The following PLEKHF2 variants were observed in gnomAD, a reference collection of about 807,000 sequenced individuals.
The protein encoded by PLEKHF2 is pleckstrin homology domain-containing family F member 2.
Under a neutral mutation model 14.7 loss-of-function variants are expected in PLEKHF2, and 4 were observed. The observed-to-expected ratio is 0.27, with a 90% confidence interval of 0.13 to 0.62. The LOEUF (loss-of-function observed/expected upper bound fraction) is 0.62, where lower values mean the gene tolerates loss of function less well. Among genes scored for constraint, PLEKHF2 ranks in the 20% least tolerant of loss-of-function variants. The pLI, the probability that PLEKHF2 is intolerant of heterozygous loss-of-function variation, is 0.85. For missense variants in PLEKHF2, 201 were observed against 307.7 expected (o/e 0.65, Z 2.60); for synonymous variants, 90 against 103.5 (o/e 0.87, Z 0.79).
intron 1 of PLEKHF2, among the ~76,000 whole-genome samples, chr8:95,135,554 C>G (rs1293754965): frequency 6.6e-6 from 1 of 152,166 alleles, no homozygotes. Flanking sequence ...GAGCGCATCA[C>G]CACACCTGGC....
At chr8:95,142,422 T>C (rs572156874) in intron 1 of PLEKHF2, among the ~76,000 whole-genome samples, 11 of 152,208 alleles carry the variant, frequency 7.2e-5, no homozygotes, top group African/African-American at 2.4e-4. Flanking sequence ...ACCTGGCTAA[T>C]TTATGTAATT....
chr8:95,154,824 TG>T lies in PLEKHF2; in HGVS notation c.*32del. 3.1e-6 allele frequency: 5 copies of T among 1,597,484 alleles called. No homozygotes were observed. The highest frequency in any genetic ancestry group is 1.1e-5 in the South Asian group (1 of 90,138). ...ACATTTGGGAGTATTTAATCAGGTGTGGCTATCTGAGAAATCAACTTTGGGG... is the reference window on the plus strand; with the variant it reads ...ACATTTGGGAGTATTTAATCAGGTGTGCTATCTGAGAAATCAACTTTGGGG... On this transcript the variant is annotated 3_prime_UTR_variant, in exon 2 of 2. Coordinates refer to ENST00000315367, the MANE Select transcript of PLEKHF2 (RefSeq NM_024613.4). This position sits in a 1 kb window ranked among gnomAD's most constrained non-coding sequence, Gnocchi z 5.6.
At chr8:95,145,555 C>G (rs1006136996) in intron 1 of PLEKHF2, among the ~76,000 whole-genome samples, 33 of 151,932 alleles carry the variant, frequency 2.2e-4, no homozygotes, top group Non-Finnish European at 5.9e-5. Flanking sequence ...TCCCGAGTAG[C>G]TGGGACTACA....
At position 95,154,818 on chromosome 8, in the gene PLEKHF2, C is replaced by A. The variant is rs1449824169; in HGVS notation, c.*24C>A. 1.2e-6 allele frequency: 2 copies of A among 1,605,352 alleles called. No homozygotes were observed. The highest frequency in any genetic ancestry group is 1.7e-6 in the Non-Finnish European group (2 of 1,173,258). On this transcript the variant is annotated 3_prime_UTR_variant, in exon 2 of 2. Coordinates refer to ENST00000315367, the MANE Select transcript of PLEKHF2 (RefSeq NM_024613.4). The surrounding 1 kb of genome is among the most constrained non-coding windows in gnomAD (Gnocchi z 5.6). ...AAGGACACATTTGGGAGTATTTAAT[C>A]AGGTGTGGCTATCTGAGAAATCAAC... is the stretch of plus-strand genomic sequence containing the variant.
intron 1 of PLEKHF2, among the ~76,000 whole-genome samples, chr8:95,151,967 A>G (rs912127227): frequency 1.5e-4 from 23 of 152,064 alleles, no homozygotes; most frequent in Non-Finnish European, 1.9e-4. Context: ...AAAGATAAAC[A>G]TTTTTTACTA....
At chr8:95,144,216 C>T (rs377753504) in intron 1 of PLEKHF2, among the ~76,000 whole-genome samples, 1 of 152,122 alleles carries the variant, frequency 6.6e-6, no homozygotes, top group African/African-American at 2.4e-5. Context: ...TCCCTCTCTC[C>T]TACCTCTCTA....
chr8:95,146,645 A>G (rs1810503870), intron 1 of PLEKHF2, among the ~76,000 whole-genome samples: 1 of 152,092 alleles, frequency 6.6e-6, no homozygotes, highest in African/African-American at 2.4e-5. Flanking sequence ...TAGACAATGT[A>G]AATGCAGTTC....
intron 1 of PLEKHF2, among the ~76,000 whole-genome samples, chr8:95,152,736 C>T (rs905699267): frequency 2.6e-5 from 4 of 152,022 alleles, no homozygotes; most frequent in East Asian, 1.9e-4. Flanking sequence ...CCAAGATTTG[C>T]AGGGAGACAG....
chr8:95,142,166 A>G (rs1353086062), intron 1 of PLEKHF2, among the ~76,000 whole-genome samples: 1 of 152,226 alleles, frequency 6.6e-6, no homozygotes, highest in East Asian at 1.9e-4. Flanking sequence ...GATACTAAAG[A>G]AAATTGGTCA....
rs1587307836 is a variant in PLEKHF2 at position 95,146,701 on chromosome 8, T to A, written c.-14-7330T>A. On this transcript the variant is annotated intron_variant, in intron 1 of 1. Coordinates refer to ENST00000315367, the MANE Select transcript of PLEKHF2 (RefSeq NM_024613.4). ...ATGACTTGAAACCTTTCATTATTTT[T>A]AAAAATTGGTATATAAAAGCTGGCT... 3.3e-5 allele frequency among the ~76,000 whole-genome samples: 5 copies of A among 152,034 alleles called. No homozygotes were observed. In the East Asian group the frequency reaches 5.8e-4, roughly 18 times the overall value.
At chr8:95,140,804 T>G (rs757718418) in intron 1 of PLEKHF2, among the ~76,000 whole-genome samples, 12 of 152,298 alleles carry the variant, frequency 7.9e-5, no homozygotes, top group South Asian at 2.1e-4. Flanking sequence ...TTTTGTTTTG[T>G]TTTGGTTTGT....
chr8:95,142,403 C>T (rs1810449495), intron 1 of PLEKHF2, among the ~76,000 whole-genome samples: 1 of 152,048 alleles, frequency 6.6e-6, no homozygotes, highest in Non-Finnish European at 1.5e-5. Flanking sequence ...CACAAGTGCA[C>T]ACCGCCACAC....
At chr8:95,143,093 C>T (rs899558877) in intron 1 of PLEKHF2, among the ~76,000 whole-genome samples, 3 of 141,066 alleles carry the variant, frequency 2.1e-5, no homozygotes, top group Admixed American at 7.1e-5. Context: ...AGGAAATAAT[C>T]TTTTTTTTTT....
rs777195466 is a variant in PLEKHF2, at chr8:95,155,460, C to G, written c.*666C>G. 1.2e-5 allele frequency: 2 copies of G among 166,884 alleles called. No homozygotes were observed. Among genetic ancestry groups the G allele is most frequent in the South Asian group, 4.1e-4 (2 of 4,820 alleles). 10.3% of individuals were successfully genotyped at this position (166,884 alleles called of 1,614,324 possible). A position where few individuals can be genotyped will look rare whatever the true frequency, so the allele number is the denominator to read the frequency against. On this transcript the variant is annotated 3_prime_UTR_variant, in exon 2 of 2. Coordinates refer to ENST00000315367, the MANE Select transcript of PLEKHF2 (RefSeq NM_024613.4). ...AACTAAGTTTGGAGGTATTTTCACT[C>G]TATATGAATAAATATTTTTCCATAA...
At chr8:95,146,106 TG>T (rs1382278494) in intron 1 of PLEKHF2, among the ~76,000 whole-genome samples, 12 of 152,208 alleles carry the variant, frequency 7.9e-5, no homozygotes, top group African/African-American at 1.4e-4. Flanking sequence ...AAAATTAACT[TG>T]TAGACAAGTA....
At chr8:95,146,341 C>T (rs1810500181) in intron 1 of PLEKHF2, among the ~76,000 whole-genome samples, 1 of 152,090 alleles carries the variant, frequency 6.6e-6, no homozygotes, top group African/African-American at 2.4e-5. Flanking sequence ...TACTGAAGCT[C>T]ACTGGTAACA....
chr8:95,153,929 C>A, intron 1 of PLEKHF2, 102 bp from the exon 2 acceptor site: 1 of 910,120 alleles, frequency 1.1e-6, no homozygotes, highest in Non-Finnish European at 1.5e-6. Flanking sequence ...GAACATTTTG[C>A]CTTTGTGTAA....
chr8:95,154,344 G>A lies in PLEKHF2; in HGVS notation c.300G>A (p.Trp100Ter). The A allele has an allele frequency of 6.2e-7, 1 of 1,614,038 alleles. No individual in the cohort carries two copies. The highest frequency in any genetic ancestry group is 8.5e-7 in the Non-Finnish European group (1 of 1,179,938). The change falls in exon 2 of 2, where the codon TGG (tryptophan) becomes TGA (stop). Residue 100 changes from tryptophan (W) to a stop codon, truncating the protein, a stop_gained. Coordinates refer to ENST00000315367, the MANE Select transcript of PLEKHF2 (RefSeq NM_024613.4). LOFTEE classifies it high-confidence loss of function. The surrounding 1 kb of genome is among the most constrained non-coding windows in gnomAD (Gnocchi z 5.6). ...ATGAGGGAGACTTAAGGAATGGATG[G>A]CTAATCAAGACACCAACTAAATCTT... The part of the protein sequence containing the change: ...IKDEGDLRNG[W>*]LIKTPTKSFA...
chr8:95,151,474 G>A (rs1214660496), intron 1 of PLEKHF2, among the ~76,000 whole-genome samples: 2 of 150,978 alleles, frequency 1.3e-5, no homozygotes, highest in Admixed American at 6.6e-5. Context: ...TGTCCATCTA[G>A]TACAGCTGAA....
Sources: allele counts gnomAD v4.1 joint callset (sites outside exome capture counted in the v4.1 genomes callset), GRCh38; gene constraint gnomAD v4.1.1; non-coding constraint Gnocchi (gnomAD v3.1); transcripts MANE v1.5; gene names NCBI Gene and HGNC (gene_info 2026-07-23, HGNC 2026-07-21).